The following RABGAP1 variants were observed in gnomAD, a reference collection of about 807,000 sequenced individuals.
RABGAP1 encodes rab GTPase-activating protein 1.
Under a neutral mutation model 137.6 loss-of-function variants are expected in RABGAP1, and 23 were observed. The observed-to-expected ratio is 0.17, with a 90% CI of 0.12 to 0.24. The LOEUF (loss-of-function observed/expected upper bound fraction) is 0.24, where lower values mean the gene tolerates loss of function less well. RABGAP1 is among the 10% of genes least tolerant of loss of function. The pLI is 1.00. For missense variants in RABGAP1, 906 were observed against 1,275.8 expected (o/e 0.71, Z 4.42); for synonymous variants, 451 against 450.7 (o/e 1.00, Z -0.01).
chr9:122,995,972 T>TTAAA, intron 6 of RABGAP1, 69 bp from the exon 7 acceptor site: 1 of 1,503,830 alleles, frequency 6.6e-7, no homozygotes, highest in Non-Finnish European at 8.8e-7. Flanking sequence ...AGGTCTTTGT[T>TTAAA]TAAAAAAATG....
upstream of RABGAP1, among the ~76,000 whole-genome samples, chr9:122,935,924 A>T (rs1833380855): frequency 6.6e-6 from 1 of 151,836 alleles, no homozygotes. Flanking sequence ...TTTGAAGAAC[A>T]ATTTTGCCAG....
At chr9:123,041,737 T>C (rs1358518303) in intron 13 of RABGAP1, among the ~76,000 whole-genome samples, 2 of 152,138 alleles carry the variant, frequency 1.3e-5, no homozygotes, top group African/African-American at 4.8e-5. Flanking sequence ...TAAAGTCAAA[T>C]GAGGAAGAGG....
chr9:123,046,352 A>C (rs2033205313), intron 13 of RABGAP1, among the ~76,000 whole-genome samples: 1 of 152,196 alleles, frequency 6.6e-6, no homozygotes, highest in Admixed American at 6.6e-5. Context: ...TTATGCAGAA[A>C]ATACAATTTT....
chr9:122,942,753 TTA>T (rs1833673257), intron 1 of RABGAP1, among the ~76,000 whole-genome samples: 1 of 151,634 alleles, frequency 6.6e-6, no homozygotes, highest in Admixed American at 6.6e-5. Context: ...TCACTTTGTA[TTA>T]ATAAAATTTC....
In RABGAP1 at chr9:123,103,191, T is replaced by C; in HGVS notation, c.3188T>C (p.Val1063Ala). Reference protein sequence around the residue: ...TLSSIKTATGVQGKETC With the variant: ...TLSSIKTATGAQGKETC ...AGCTCCATAAAGACAGCAACCGGGGTTCAAGGGAAAGAGACTTGCTGAGAG... is the reference window on the plus strand; with the variant it reads ...AGCTCCATAAAGACAGCAACCGGGGCTCAAGGGAAAGAGACTTGCTGAGAG... The change falls in exon 26 of 26, where the codon GTT becomes GCT. Residue 1063 changes from valine to alanine, a missense_variant. Coordinates refer to ENST00000373647, the MANE Select transcript of RABGAP1 (RefSeq NM_012197.4). 1 of 1,613,784 alleles carries C rather than the reference T, an allele frequency of 6.2e-7. No individual in the cohort carries two copies. Among genetic ancestry groups the C allele is most frequent in the South Asian group, 1.1e-5 (1 of 91,060 alleles).
intron 13 of RABGAP1, among the ~76,000 whole-genome samples, chr9:123,030,249 C>G (rs760893987): frequency 2.0e-5 from 3 of 152,158 alleles, no homozygotes; most frequent in Non-Finnish European, 4.4e-5. Flanking sequence ...AGGAATGTTG[C>G]TCTGATGGCA....
At chr9:122,936,809 T>C (rs866039477), upstream of RABGAP1, among the ~76,000 whole-genome samples, 3 of 152,160 alleles carry the variant, frequency 2.0e-5, no homozygotes, top group Non-Finnish European at 4.4e-5. Flanking sequence ...GATTAGGATA[T>C]TCAAAAGCAA....
intron 1 of RABGAP1, among the ~76,000 whole-genome samples, chr9:122,952,077 A>G (rs1834281629): frequency 6.6e-6 from 1 of 152,154 alleles, no homozygotes; most frequent in Non-Finnish European, 1.5e-5. Flanking sequence ...AGTAGCTATA[A>G]TGAAAATAAA....
At chr9:123,006,385 A>G (rs1346535057) in intron 10 of RABGAP1, among the ~76,000 whole-genome samples, 1 of 152,184 alleles carries the variant, frequency 6.6e-6, no homozygotes, top group Non-Finnish European at 1.5e-5. Flanking sequence ...TCTGGTATAT[A>G]GCGTAAAGTG....
intron 13 of RABGAP1, among the ~76,000 whole-genome samples, chr9:123,064,117 T>C (rs980718462): frequency 6.6e-6 from 1 of 152,174 alleles, no homozygotes; most frequent in Admixed American, 6.6e-5. Context: ...TCTCCCACTT[T>C]CTCAACTTTT....
rs1554734320 is a variant in RABGAP1, at chr9:123,103,963, T to TTGTGTTTGTG, written c.*755_*756insTTGTGTGTGT. 1 of 141,504 alleles carries TTGTGTTTGTG rather than the reference T, an allele frequency of 7.1e-6. No individual in the cohort carries two copies. The highest frequency in any genetic ancestry group is 2.7e-5 in the African/African-American group (1 of 37,576). The allele number at this position is 141,504 out of a possible 1,614,324, so 8.8% of individuals were successfully genotyped here. A position where few individuals can be genotyped will look rare whatever the true frequency, so the allele number is the denominator to read the frequency against. ...ACAAATCTTATTTTGCTTAATGTGT[T>TTGTGTTTGTG]TGTGTGTGTGTGTGTGTGTGTGTGT... On this transcript the variant is annotated 3_prime_UTR_variant, in exon 26 of 26. Transcript: ENST00000373647.
intron 10 of RABGAP1, among the ~76,000 whole-genome samples, chr9:123,002,306 A>C (rs1837362641): frequency 6.6e-6 from 1 of 151,068 alleles, no homozygotes; most frequent in Admixed American, 6.6e-5. Context: ...CGTCAAAAAA[A>C]AAAAAAGTTT....
At chr9:123,090,065 T>G (rs2034990250) in intron 20 of RABGAP1, among the ~76,000 whole-genome samples, 1 of 152,240 alleles carries the variant, frequency 6.6e-6, no homozygotes. Flanking sequence ...TAACAAATAG[T>G]AGGTGCTTGA....
chr9:123,098,862 A>G (rs1011800192), intron 23 of RABGAP1, 64 bp downstream of exon 23: 14 of 1,042,640 alleles, frequency 1.3e-5, no homozygotes, highest in African/African-American at 1.2e-4. Context: ...GATAAAATGT[A>G]TACCCGCCCC....
At chr9:123,012,360 C>G (rs1272811663) in intron 11 of RABGAP1, among the ~76,000 whole-genome samples, 5 of 152,258 alleles carry the variant, frequency 3.3e-5, no homozygotes, top group Non-Finnish European at 7.4e-5. Context: ...TCTCTTAACA[C>G]TCAGCGATAA....
At chr9:122,987,486 A>G (rs1223073700) in intron 4 of RABGAP1, among the ~76,000 whole-genome samples, 1 of 152,132 alleles carries the variant, frequency 6.6e-6, no homozygotes, top group Non-Finnish European at 1.5e-5. Context: ...ATATACATAC[A>G]TAATTTACAA....
chr9:122,941,562 G>C (rs1833569465), intron 1 of RABGAP1, among the ~76,000 whole-genome samples: 1 of 152,198 alleles, frequency 6.6e-6, no homozygotes, highest in African/African-American at 2.4e-5. Flanking sequence ...CCTGGGCTGC[G>C]CCTAAATTTC....
intron 1 of RABGAP1, among the ~76,000 whole-genome samples, chr9:122,946,619 C>T (rs562935044): frequency 6.6e-6 from 1 of 152,236 alleles, no homozygotes; most frequent in South Asian, 2.1e-4. Context: ...TCCCTGTGTT[C>T]CCAGGGATAG....
rs2034131200 is a variant in RABGAP1 at position 123,065,243 on chromosome 9, C to A, written c.1795-105C>A. 3.8e-6 allele frequency: 3 copies of A among 788,726 alleles called. No homozygotes were observed. In the South Asian group the frequency reaches 5.1e-5, roughly 14 times the overall value. 48.9% of individuals were successfully genotyped at this position (788,726 alleles called of 1,614,324 possible). On this transcript the variant is annotated intron_variant, in intron 13 of 25. Coordinates refer to ENST00000373647, the MANE Select transcript of RABGAP1 (RefSeq NM_012197.4). ...TGGGCATACATATGTGTATGTATGT[C>A]CCTGCAACATTTAAAGTGTGTAAAT...
Sources: gnomAD v4.1 joint callset for allele counts (sites outside exome capture counted in the v4.1 genomes callset) on GRCh38, gnomAD v4.1.1 for gene constraint, MANE v1.5 for transcripts, NCBI Gene and HGNC (gene_info 2026-07-23, HGNC 2026-07-21) for gene names.